Variants in DSCAM observed in about 807,000 individuals in gnomAD.
The protein encoded by DSCAM is DS cell adhesion molecule.
A neutral mutation model predicts 217.7 loss-of-function variants in DSCAM; 47 were observed. That is an observed-to-expected ratio of 0.22 (90% CI 0.17 to 0.28). DSCAM has a LOEUF of 0.28. DSCAM is among the 10% of genes least tolerant of loss of function. DSCAM has a pLI of 1.00. For missense variants in DSCAM, 2,080 were observed against 2,618.3 expected, an observed-to-expected ratio of 0.79 and a Z score of 4.49; for synonymous variants, 1,056 against 1,015.3, an observed-to-expected ratio of 1.04 and a Z score of -0.76.
Position 40,055,810 on chromosome 21 carries a change from G to A in DSCAM, c.4950C>T (p.Ser1650=). 1 of 1,613,690 alleles carries A rather than the reference G, an allele frequency of 6.2e-7. No individual in the cohort carries two copies. The highest frequency in any genetic ancestry group is 8.5e-7 in the Non-Finnish European group (1 of 1,179,626). ...GCATTCGCAGGGTCTGCTGTTGCTT[G>A]CTTAACGTATCTGAAGTCCGGGTAT... ...SKNTRTSDTL[S]KQQQTLRMHI... The change falls in exon 29 of 33, where the codon AGC becomes AGT. Residue 1650 remains serine, a synonymous_variant. Transcript: ENST00000400454.
At chr21:40,120,734 C>T (rs2090023857) in intron 20 of DSCAM, among the ~76,000 whole-genome samples, 1 of 152,198 alleles carries the variant, frequency 6.6e-6, no homozygotes, top group East Asian at 1.9e-4. Context: ...TCCACATCAT[C>T]TTTAGACAAC....
At chr21:40,438,746 G>A (rs2075605571) in intron 3 of DSCAM, among the ~76,000 whole-genome samples, 1 of 152,154 alleles carries the variant, frequency 6.6e-6, no homozygotes, top group African/African-American at 2.4e-5. Context: ...GTGTCTTCTG[G>A]CACCTTTTGA....
At chr21:40,556,664 A>AGT (rs1555856744) in intron 3 of DSCAM, among the ~76,000 whole-genome samples, 5 of 151,398 alleles carry the variant, frequency 3.3e-5, no homozygotes, top group Admixed American at 1.3e-4. Context: ...AGAGAGAGAG[A>AGT]GGGGAGGTAC....
intron 1 of DSCAM, among the ~76,000 whole-genome samples, chr21:40,711,767 T>C (rs2090782954): frequency 6.6e-6 from 1 of 152,164 alleles, no homozygotes; most frequent in Non-Finnish European, 1.5e-5. Context: ...ATGCTGAAGG[T>C]GCATCCCACC....
At chr21:40,177,298 GAT>G (rs1342287495) in intron 15 of DSCAM, among the ~76,000 whole-genome samples, 1 of 152,148 alleles carries the variant, frequency 6.6e-6, no homozygotes, top group Non-Finnish European at 1.5e-5. Context: ...TCAGTGATCA[GAT>G]ATGTCTGTGT....
At position 40,348,041 on chromosome 21, in the gene DSCAM, C is replaced by A. The variant is rs73355336; in HGVS notation, c.935-96G>T. Reference sequence around the variant, plus strand: ...GACTTTCAACAAAGCAAGTGCATCACGCAATCATACTCCACACAGTTCCCA... The same window carrying A: ...GACTTTCAACAAAGCAAGTGCATCAAGCAATCATACTCCACACAGTTCCCA... On this transcript the variant is annotated intron_variant, in intron 5 of 32. Transcript: ENST00000400454. 418 of 1,330,364 alleles carry A rather than the reference C, an allele frequency of 3.1e-4. No homozygotes were observed. In the African/African-American group the frequency reaches 5.4e-3, roughly 17 times the overall value. The allele number at this position is 1,330,364 out of a possible 1,614,324, so 82.4% of individuals were successfully genotyped here. A position where few individuals can be genotyped will look rare whatever the true frequency, so the allele number is the denominator to read the frequency against.
chr21:40,588,369 A>T (rs17000070), intron 3 of DSCAM, among the ~76,000 whole-genome samples: 1,606 of 152,324 alleles, frequency 0.011, 26 homozygotes, highest in African/African-American at 0.036. Context: ...TCACATGGTT[A>T]ATATCAACAT....
chr21:40,185,351 G>A (rs2090881884), intron 14 of DSCAM, among the ~76,000 whole-genome samples: 1 of 152,184 alleles, frequency 6.6e-6, no homozygotes, highest in Non-Finnish European at 1.5e-5. Context: ...CACTTCACAG[G>A]TGAGATGCGC....
chr21:40,752,331 T>C (rs142153205), intron 1 of DSCAM, among the ~76,000 whole-genome samples: 14 of 152,222 alleles, frequency 9.2e-5, no homozygotes, highest in Non-Finnish European at 1.6e-4. Context: ...CTAGGTCGGC[T>C]TAATGAGGTG....
rs552105802 is a variant in DSCAM at position 40,801,001 on chromosome 21, G to C, written c.43+45618C>G. Among the ~76,000 whole-genome samples the C allele has an allele frequency of 2.7e-5, 4 of 150,588 alleles. No individual in the cohort carries two copies. In the East Asian group the frequency reaches 5.9e-4, roughly 22 times the overall value. ...GATGGAGTTTCTTTCACCCAGGCTG[G>C]AGTGCAGTGGCTTGATCTTGGCTCA... On this transcript the variant is annotated intron_variant, in intron 1 of 32. Coordinates refer to ENST00000400454, the MANE Select transcript of DSCAM (RefSeq NM_001389.5).
At chr21:40,768,215 G>A (rs902764893) in intron 1 of DSCAM, among the ~76,000 whole-genome samples, 77 of 152,168 alleles carry the variant, frequency 5.1e-4, no homozygotes, top group African/African-American at 1.8e-3. Context: ...GCCAGGACAG[G>A]TGGCCAGTCA....
chr21:40,532,376 T>C (rs2076454013), intron 3 of DSCAM, among the ~76,000 whole-genome samples: 1 of 152,136 alleles, frequency 6.6e-6, no homozygotes, highest in African/African-American at 2.4e-5. Flanking sequence ...ACAGAATCAC[T>C]TCAAGTCTAG....
intron 8 of DSCAM, among the ~76,000 whole-genome samples, chr21:40,316,187 A>G (rs1480476433): frequency 6.6e-6 from 1 of 152,248 alleles, no homozygotes; most frequent in Non-Finnish European, 1.5e-5. Context: ...TCATAAGGAA[A>G]AGCGTTTTCC....
At chr21:40,399,101 A>G (rs1252613359) in intron 3 of DSCAM, among the ~76,000 whole-genome samples, 1 of 152,056 alleles carries the variant, frequency 6.6e-6, no homozygotes, top group Admixed American at 6.6e-5. Context: ...CCAGACCTTG[A>G]CTCTACAAAA....
chr21:40,364,889 C>T lies in DSCAM; in HGVS notation c.655+4210G>A, dbSNP rs146430653. On this transcript the variant is annotated intron_variant, in intron 4 of 32. Transcript: ENST00000400454. ...ATAATTATTTCAGTTGTATAAATGC[C>T]TTACATTTTTGTTATATTTCAAGAA... Among the ~76,000 whole-genome samples the T allele has an allele frequency of 4.0e-3, 595 of 149,242 alleles. 3 individuals carry two copies. The highest frequency in any genetic ancestry group is 0.014 in the African/African-American group (567 of 40,882).
At chr21:40,805,541 T>C (rs947129573) in intron 1 of DSCAM, among the ~76,000 whole-genome samples, 9 of 152,132 alleles carry the variant, frequency 5.9e-5, no homozygotes, top group African/African-American at 2.2e-4. Context: ...CAAAGTTTCC[T>C]TCCCCTTCCA....
In DSCAM at chr21:40,738,684, T is replaced by C. The variant is rs147718302; in HGVS notation, c.44-29913A>G. Among the ~76,000 whole-genome samples, 7 of 152,286 alleles carry C rather than the reference T, an allele frequency of 4.6e-5. No homozygotes were observed. The East Asian group carries it at 1.4e-3, about 29-fold the overall frequency. On this transcript the variant is annotated intron_variant, in intron 1 of 32. Transcript: ENST00000400454. ...GGGGCCCCACCCCAGAGAATCTGAT[T>C]CAGTAGGTCAGGAATGGGCCCCAGG...
intron 32 of DSCAM, among the ~76,000 whole-genome samples, chr21:40,039,429 A>T (rs1358606758): frequency 6.6e-6 from 1 of 152,102 alleles, no homozygotes; most frequent in East Asian, 1.9e-4. Flanking sequence ...TATTTTAACC[A>T]ATTTAACCAG....
chr21:40,270,320 G>A (rs145201534), intron 11 of DSCAM, among the ~76,000 whole-genome samples: 146 of 152,264 alleles, frequency 9.6e-4, no homozygotes, highest in African/African-American at 3.2e-3. Flanking sequence ...AAGCTTCTGC[G>A]GGAGACTCCT....
Sources: allele counts gnomAD v4.1 joint callset (sites outside exome capture counted in the v4.1 genomes callset), GRCh38; gene constraint gnomAD v4.1.1; transcripts MANE v1.5; gene names NCBI Gene and HGNC (gene_info 2026-07-23, HGNC 2026-07-21).